SMYD3: variants seen among roughly 807,000 people sequenced by gnomAD.
SMYD3 encodes the protein SET and MYND domain containing 3.
SMYD3 carries 36 observed loss-of-function variants against 57.7 expected under a neutral mutation model. That is an observed-to-expected ratio of 0.62 (90% CI 0.48 to 0.82). SMYD3 has a LOEUF of 0.82. SMYD3 is among the 40% of genes least tolerant of loss of function. The probability of loss-of-function intolerance (pLI) is 0.00; values close to 1 mark genes in which losing one functional copy is unlikely to be tolerated. For missense variants in SMYD3, 515 were observed against 538.8 expected (o/e 0.96, Z 0.44); for synonymous variants, 211 against 195.0 (o/e 1.08, Z -0.68).
chr1:246,362,807 C>T (rs1473113645), intron 1 of SMYD3, among the ~76,000 whole-genome samples: 3 of 151,876 alleles, frequency 2.0e-5, no homozygotes, highest in South Asian at 2.1e-4. Context: ...GATCTCGGCT[C>T]GCTACAACCT....
intron 5 of SMYD3, among the ~76,000 whole-genome samples, chr1:246,204,752 T>G (rs144795170): frequency 6.6e-6 from 1 of 152,234 alleles, no homozygotes; most frequent in Non-Finnish European, 1.5e-5. Flanking sequence ...TTTATCTGCA[T>G]GCTTAACATT....
chr1:246,481,129 AAC>A, intron 1 of SMYD3, among the ~76,000 whole-genome samples: 1 of 152,292 alleles, frequency 6.6e-6, no homozygotes, highest in South Asian at 2.1e-4. Context: ...TATAATAACT[AAC>A]AGAGAAAGAG....
At chr1:246,353,980 A>G (rs1377611402) in intron 2 of SMYD3, among the ~76,000 whole-genome samples, 1 of 152,208 alleles carries the variant, frequency 6.6e-6, no homozygotes, top group Admixed American at 6.5e-5. Flanking sequence ...TTTCTTTTCC[A>G]TTAAGACCAC....
At chr1:246,194,005 T>C (rs1471225462) in intron 5 of SMYD3, among the ~76,000 whole-genome samples, 1 of 152,168 alleles carries the variant, frequency 6.6e-6, no homozygotes, top group Non-Finnish European at 1.5e-5. Context: ...TATGTTCTCT[T>C]TCATTTGGGG....
intron 5 of SMYD3, among the ~76,000 whole-genome samples, chr1:246,146,667 T>C (rs887938896): frequency 1.3e-5 from 2 of 152,052 alleles, no homozygotes; most frequent in Non-Finnish European, 2.9e-5. Flanking sequence ...AGAACCAGTC[T>C]GGGAAGCAGA....
intron 1 of SMYD3, among the ~76,000 whole-genome samples, chr1:246,435,205 G>A (rs1294274501): frequency 2.0e-5 from 3 of 151,986 alleles, no homozygotes; most frequent in Non-Finnish European, 4.4e-5. Context: ...AAAATTATTG[G>A]GTACTATGCT....
chr1:246,413,923 T>C (rs1258359570), intron 1 of SMYD3, among the ~76,000 whole-genome samples: 1 of 152,214 alleles, frequency 6.6e-6, no homozygotes, highest in Non-Finnish European at 1.5e-5. Flanking sequence ...CCACAAGTGA[T>C]TAAAACTCCG....
intron 8 of SMYD3, among the ~76,000 whole-genome samples, chr1:245,869,641 T>G (rs1397330869): frequency 6.6e-6 from 1 of 152,144 alleles, no homozygotes; most frequent in Non-Finnish European, 1.5e-5. Flanking sequence ...GTCCATTCTC[T>G]CTCTGACCGC....
chr1:246,126,983 G>A (rs933464394), intron 5 of SMYD3, among the ~76,000 whole-genome samples: 1 of 152,058 alleles, frequency 6.6e-6, no homozygotes, highest in Non-Finnish European at 1.5e-5. Context: ...ACATTACAAA[G>A]ATGCAGCACT....
At chr1:245,814,338 A>G (rs755489798) in intron 10 of SMYD3, 21 of 981,260 alleles carry the variant, frequency 2.1e-5, no homozygotes, top group Non-Finnish European at 2.3e-5. Context: ...ATTAAGGTAG[A>G]TACCTGAAGC....
chr1:246,009,805 CTTTTTTTTTTT>C (rs74163100), intron 5 of SMYD3, among the ~76,000 whole-genome samples: 2 of 75,622 alleles, frequency 2.6e-5, no homozygotes, highest in East Asian at 3.9e-4. Flanking sequence ...CATGTAAGAT[CTTTTTTTTTTT>C]TTTTTTTTTT....
At chr1:246,334,100 G>A (rs984692650) in intron 3 of SMYD3, among the ~76,000 whole-genome samples, 6 of 152,126 alleles carry the variant, frequency 3.9e-5, no homozygotes, top group Non-Finnish European at 7.3e-5. Flanking sequence ...CAGAGAAAAG[G>A]GAACACTTAT....
intron 1 of SMYD3, among the ~76,000 whole-genome samples, chr1:246,474,586 C>T (rs2068004064): frequency 6.7e-6 from 1 of 149,120 alleles, no homozygotes; most frequent in Admixed American, 6.7e-5. Flanking sequence ...TTTAAACTGA[C>T]ACTAAACAAT....
intron 5 of SMYD3, among the ~76,000 whole-genome samples, chr1:246,080,698 C>G (rs1299769983): frequency 6.6e-6 from 1 of 152,214 alleles, no homozygotes; most frequent in Non-Finnish European, 1.5e-5. Context: ...ACCTTAGTGT[C>G]CAAGTTCAGT....
intron 1 of SMYD3, among the ~76,000 whole-genome samples, chr1:246,462,961 G>T (rs887509549): frequency 6.6e-6 from 1 of 152,078 alleles, no homozygotes; most frequent in Non-Finnish European, 1.5e-5. Context: ...GAAACTGGGG[G>T]CCTGAACTGT....
At chr1:246,150,926 A>G (rs1460771035) in intron 5 of SMYD3, among the ~76,000 whole-genome samples, 2 of 152,224 alleles carry the variant, frequency 1.3e-5, no homozygotes, top group African/African-American at 4.8e-5. Flanking sequence ...CCAGGTTGAA[A>G]TGATACTCTA....
chr1:245,968,907 T>C (rs961317332), intron 5 of SMYD3, among the ~76,000 whole-genome samples: 3 of 152,198 alleles, frequency 2.0e-5, no homozygotes, highest in African/African-American at 7.2e-5. Flanking sequence ...CTCCGTACAC[T>C]GTTAAGGAGG....
chr1:246,087,203 C>T (rs4654193), intron 5 of SMYD3, among the ~76,000 whole-genome samples: 122,432 of 152,122 alleles, frequency 0.8, 49,723 homozygotes, highest in Admixed American at 0.87. Flanking sequence ...AATTCTTGCC[C>T]TTATAGCTAC....
At chr1:246,402,843 A>G (rs1382425648) in intron 1 of SMYD3, among the ~76,000 whole-genome samples, 2 of 152,234 alleles carry the variant, frequency 1.3e-5, no homozygotes, top group African/African-American at 4.8e-5. Flanking sequence ...ATTCAGCTGC[A>G]CAATCACTTG....
Sources: allele counts gnomAD v4.1 joint callset (sites outside exome capture counted in the v4.1 genomes callset), GRCh38; gene constraint gnomAD v4.1.1; transcripts MANE v1.5; gene names NCBI Gene and HGNC (gene_info 2026-07-23, HGNC 2026-07-21).